MRPL44: variants seen among roughly 807,000 people sequenced by gnomAD.
MRPL44 encodes large ribosomal subunit protein mL44.
Under a neutral mutation model 25.9 loss-of-function variants are expected in MRPL44, and 21 were observed. The observed-to-expected ratio is 0.81, with a 90% CI of 0.58 to 1.17. The LOEUF is 1.17. MRPL44 is among the 50% of genes most tolerant of loss of function. The probability of loss-of-function intolerance (pLI) is 0.00; values close to 1 mark genes in which losing one functional copy is unlikely to be tolerated. For missense variants in MRPL44, 410 were observed against 398.9 expected (o/e 1.03, Z -0.24); for synonymous variants, 169 against 151.0 (o/e 1.12, Z -0.87).
chr2:223,963,604 A>T (rs896375101), intron 2 of MRPL44, 152 bp from the exon 3 acceptor site: 1 of 467,756 alleles, frequency 2.1e-6, no homozygotes, highest in South Asian at 5.4e-5. Context: ...AGAATAGTAC[A>T]TTTTTGTCTT....
At chr2:223,957,404 G>C, upstream of MRPL44, 1 of 1,588,190 alleles carries the variant, frequency 6.3e-7, no homozygotes, top group Non-Finnish European at 8.6e-7. Flanking sequence ...CCGGGTTCCG[G>C]GGGAAGTGTG....
chr2:223,963,848 A>G lies in MRPL44; in HGVS notation c.741A>G (p.Lys247=). The G allele has an allele frequency of 6.2e-7, 1 of 1,613,982 alleles. No homozygotes were observed. Among genetic ancestry groups the G allele is most frequent in the Non-Finnish European group, 8.5e-7 (1 of 1,179,922 alleles). Residue 247 remains lysine (K), a synonymous_variant, in exon 3 of 4, where the codon AAA becomes AAG. Transcript: ENST00000258383. ...GGCTATTGGTAGAAGAACTGAAGAA[A>G]AGGAATGTTTCAGCTCCTGAATCAA... ...PMGLLVEELK[K]RNVSAPESRL...
Position 223,963,893 on chromosome 2 carries a change from T to G in MRPL44, c.786T>G (p.Gly262=). The change falls in exon 3 of 4, where the codon GGT becomes GGG. Residue 262 remains glycine, a synonymous_variant. Coordinates refer to ENST00000258383, the MANE Select transcript of MRPL44 (RefSeq NM_022915.5). Reference sequence around the variant, plus strand: ...AATCAAGACTTACTAGGCAGTCTGGTGGCACCACAGCTTTGCCTTTGTATT... The same window carrying G: ...AATCAAGACTTACTAGGCAGTCTGGGGGCACCACAGCTTTGCCTTTGTATT... ...APESRLTRQS[G]GTTALPLYFV... 1.2e-6 allele frequency: 2 copies of G among 1,613,848 alleles called. No homozygotes were observed. The highest frequency in any genetic ancestry group is 1.7e-6 in the Non-Finnish European group (2 of 1,179,886).
In MRPL44 at chr2:223,959,767, C is replaced by T. The variant is rs11546406; in HGVS notation, c.413C>T (p.Thr138Ile). 13,724 of 1,614,176 alleles carry T rather than the reference C, an allele frequency of 8.5e-3. 1,027 individuals are homozygous for T. In the African/African-American group the frequency reaches 0.16, roughly 19 times the overall value. Reference sequence around the variant, plus strand: ...ACATCTTTTTCACAGACTTGCCTTACACAGTTTCTTGAAGACGAGTACCCA... The same window carrying T: ...ACATCTTTTTCACAGACTTGCCTTATACAGTTTCTTGAAGACGAGTACCCA... Reference protein sequence around the residue: ...QGTSFSQTCLTQFLEDEYPDM... With the variant: ...QGTSFSQTCLIQFLEDEYPDM... Residue 138 changes from threonine to isoleucine, a missense_variant, in exon 2 of 4, where the codon ACA (threonine) becomes ATA (isoleucine). Thr to Ile is a moderately conservative substitution (Grantham distance 89, BLOSUM62 -1). Coordinates refer to ENST00000258383, the MANE Select transcript of MRPL44 (RefSeq NM_022915.5).
chr2:223,965,572 G>C (rs1438748561), intron 3 of MRPL44: 2 of 152,150 alleles, frequency 1.3e-5, no homozygotes, highest in African/African-American at 4.8e-5. Flanking sequence ...TATTTCAGAA[G>C]TAGCAAAACA....
chr2:223,953,134 CTTTT>C (rs529578122), upstream of MRPL44, among the ~76,000 whole-genome samples: 1 of 139,512 alleles, frequency 7.2e-6, no homozygotes, highest in African/African-American at 2.6e-5. Flanking sequence ...TATCCAGATT[CTTTT>C]TTTTTTTTTT....
chr2:223,954,151 A>T (rs946837246), upstream of MRPL44, among the ~76,000 whole-genome samples: 37 of 152,190 alleles, frequency 2.4e-4, no homozygotes, highest in African/African-American at 8.2e-4. Flanking sequence ...TTGGAGCGGA[A>T]TTTACTAAGT....
intron 1 of MRPL44, among the ~76,000 whole-genome samples, chr2:223,958,068 G>A (rs1371396266): frequency 2.6e-5 from 4 of 152,014 alleles, no homozygotes; most frequent in Non-Finnish European, 4.4e-5. Flanking sequence ...TAGAGTAAAA[G>A]GAAAAAAAGT....
In MRPL44 at chr2:223,963,772, A is replaced by C. The variant is rs769515537; in HGVS notation, c.665A>C (p.Gln222Pro). 6.2e-7 allele frequency: 1 copy of C among 1,600,762 alleles called. No individual in the cohort carries two copies. Among genetic ancestry groups the C allele is most frequent in the Non-Finnish European group, 8.5e-7 (1 of 1,175,146 alleles). ...TATATGCAGGACTTCTTAATTACTC[A>C]AATGACTGGAAAAGAGCTCTTTGAG... ...ALFIRDFLITQMTGKELFEMW... is the reference protein window; with the variant it reads ...ALFIRDFLITPMTGKELFEMW... The change falls in exon 3 of 4, where the codon CAA becomes CCA. Residue 222 changes from glutamine (Q) to proline (P), a missense_variant. Transcript: ENST00000258383.
Position 223,957,574 on chromosome 2 carries a change from A to G in MRPL44, c.102A>G (p.Gly34=). 1 of 1,613,852 alleles carries G rather than the reference A, an allele frequency of 6.2e-7. No homozygotes were observed. The highest frequency in any genetic ancestry group is 8.5e-7 in the Non-Finnish European group (1 of 1,180,000). The change falls in exon 1 of 4, where the codon GGA becomes GGG. Residue 34 remains glycine (G), a synonymous_variant. Coordinates refer to ENST00000258383, the MANE Select transcript of MRPL44 (RefSeq NM_022915.5). ...LVPPVRGVKK[G]FRAAFRFQKE... ...CTCCGGTTCGGGGAGTGAAGAAGGG[A>G]TTCCGCGCCGCCTTCCGCTTCCAGA... is the stretch of plus-strand genomic sequence containing the variant.
At chr2:223,961,077 T>A (rs1352156785) in intron 2 of MRPL44, among the ~76,000 whole-genome samples, 2 of 152,210 alleles carry the variant, frequency 1.3e-5, no homozygotes, top group Non-Finnish European at 2.9e-5. Context: ...AGTGCCTTAC[T>A]ATGGGCCAGG....
At chr2:223,955,945 G>C (rs1689557434), upstream of MRPL44, among the ~76,000 whole-genome samples, 1 of 152,124 alleles carries the variant, frequency 6.6e-6, no homozygotes, top group Non-Finnish European at 1.5e-5. Context: ...ATCTTTTGAG[G>C]ACCTACATTT....
chr2:223,960,927 C>T (rs866201048), intron 2 of MRPL44, among the ~76,000 whole-genome samples: 3 of 152,154 alleles, frequency 2.0e-5, no homozygotes, highest in African/African-American at 4.8e-5. Context: ...TATTGTAATG[C>T]GTCTTAACAG....
At chr2:223,966,838 A>C (rs1457573363) in intron 3 of MRPL44, 25 bp from the exon 4 acceptor site, 3 of 1,600,444 alleles carry the variant, frequency 1.9e-6, no homozygotes, top group Non-Finnish European at 2.6e-6. Flanking sequence ...ATGTAATTTA[A>C]GACTACTGTT....
Position 223,967,233 on chromosome 2 carries a change from T to G in MRPL44, c.*199T>G. 1.8e-6 allele frequency: 1 copy of G among 568,344 alleles called. No individual in the cohort carries two copies. Among genetic ancestry groups the G allele is most frequent in the Non-Finnish European group, 2.9e-6 (1 of 341,602 alleles). 35.2% of individuals were successfully genotyped at this position (568,344 alleles called of 1,614,324 possible). A position where few individuals can be genotyped will look rare whatever the true frequency, so the allele number is the denominator to read the frequency against. Reference sequence around the variant, plus strand: ...TTTCTGAAATCTTGGTTTGATCAAATCTTTTTTTTTTTCTCTTGAGATGGA... The same window carrying G: ...TTTCTGAAATCTTGGTTTGATCAAAGCTTTTTTTTTTTCTCTTGAGATGGA... On this transcript the variant is annotated 3_prime_UTR_variant, in exon 4 of 4. Transcript: ENST00000258383.
At chr2:223,955,227 G>A, upstream of MRPL44, among the ~76,000 whole-genome samples, 1 of 152,156 alleles carries the variant, frequency 6.6e-6, no homozygotes, top group Middle Eastern at 3.2e-3. Context: ...ATTTTCCAAA[G>A]CTAGGTTGAA....
upstream of MRPL44, chr2:223,957,450 C>G (rs771688348): frequency 1.2e-6 from 2 of 1,614,076 alleles, no homozygotes; most frequent in South Asian, 2.2e-5. Flanking sequence ...TTCGTTCCGT[C>G]TTCCATCGTT....
At chr2:223,955,873 T>C (rs1689556472), upstream of MRPL44, among the ~76,000 whole-genome samples, 1 of 152,214 alleles carries the variant, frequency 6.6e-6, no homozygotes, top group South Asian at 2.1e-4. Context: ...TAGACAAATG[T>C]ATGAGCAGAT....
chr2:223,964,039 C>T, intron 3 of MRPL44, 105 bp downstream of exon 3: 1 of 846,928 alleles, frequency 1.2e-6, no homozygotes, highest in Non-Finnish European at 1.8e-6. Context: ...GGAATGTTAA[C>T]ATAACCTCTT....
Sources: allele counts gnomAD v4.1 joint callset (sites outside exome capture counted in the v4.1 genomes callset), GRCh38; gene constraint gnomAD v4.1.1; transcripts MANE v1.5; gene names NCBI Gene and HGNC (gene_info 2026-07-23, HGNC 2026-07-21).